BANK1: variants seen among roughly 807,000 people sequenced by gnomAD.
BANK1 encodes the protein B cell scaffold protein with ankyrin repeats 1, also known as B-cell scaffold protein with ankyrin repeats.
In BANK1, 95 loss-of-function variants were observed where a neutral mutation model predicts 94.5. That is an observed-to-expected ratio of 1.00 (90% CI 0.85 to 1.19). The LOEUF is 1.19. Among genes scored for constraint, BANK1 ranks in the 50% most tolerant of loss-of-function variants. The probability of loss-of-function intolerance (pLI) is 0.00; values close to 1 mark genes in which losing one functional copy is unlikely to be tolerated. For synonymous variants in BANK1, 334 were observed against 308.4 expected (o/e 1.08, Z -0.87); for missense variants, 987 against 932.2 (o/e 1.06, Z -0.77).
chr4:102,037,109 T>G (rs1420193465), intron 10 of BANK1, among the ~76,000 whole-genome samples: 1 of 152,242 alleles, frequency 6.6e-6, no homozygotes, highest in African/African-American at 2.4e-5. Context: ...TTAATTGACC[T>G]ATAAAAGTAG....
At chr4:101,971,448 C>G (rs1724949217) in intron 7 of BANK1, among the ~76,000 whole-genome samples, 1 of 151,984 alleles carries the variant, frequency 6.6e-6, no homozygotes, top group South Asian at 2.1e-4. Context: ...TAAAACTATC[C>G]TAGGTCATCT....
intron 1 of BANK1, among the ~76,000 whole-genome samples, chr4:101,801,423 G>C (rs552456492): frequency 1.3e-5 from 2 of 152,230 alleles, no homozygotes; most frequent in East Asian, 3.9e-4. Context: ...AGATAGCAAT[G>C]CACTCAGCTT....
chr4:101,791,041 C>G, intron 1 of BANK1, 91 bp downstream of exon 1: 16 of 1,076,618 alleles, frequency 1.5e-5, no homozygotes, highest in Non-Finnish European at 1.9e-5. Context: ...CAACTGCACT[C>G]GGGCACTGAG....
intron 5 of BANK1, among the ~76,000 whole-genome samples, chr4:101,878,216 G>T (rs1728560228): frequency 6.6e-6 from 1 of 151,894 alleles, no homozygotes; most frequent in South Asian, 2.1e-4. Context: ...TACAAGAAAT[G>T]CACTCTATAA....
intron 7 of BANK1, among the ~76,000 whole-genome samples, chr4:101,950,060 T>TGTGTGTGTGTGTGCGC (rs369393040): frequency 1.2e-4 from 17 of 139,484 alleles, no homozygotes; most frequent in Middle Eastern, 7.2e-3. Context: ...TGTGTGTGTG[T>TGTGTGTGTGTGTGCGC]GCGCGTGCGC....
intron 7 of BANK1, among the ~76,000 whole-genome samples, chr4:101,950,294 T>A (rs1724105153): frequency 6.6e-6 from 1 of 151,168 alleles, no homozygotes. Flanking sequence ...ACTATTAAAT[T>A]TAAGAAAGAT....
At chr4:101,925,825 G>A (rs1039604367) in intron 7 of BANK1, among the ~76,000 whole-genome samples, 4 of 151,462 alleles carry the variant, frequency 2.6e-5, no homozygotes, top group African/African-American at 9.7e-5. Context: ...TGTAGAACAG[G>A]GTAACCTAGA....
chr4:102,045,256 A>G (rs544529687), intron 11 of BANK1, among the ~76,000 whole-genome samples: 3 of 152,218 alleles, frequency 2.0e-5, no homozygotes, highest in African/African-American at 7.2e-5. Context: ...ATGCTAAAAA[A>G]TCTCAGTAAA....
At chr4:101,998,117 T>G (rs1374896261) in intron 7 of BANK1, among the ~76,000 whole-genome samples, 1 of 152,238 alleles carries the variant, frequency 6.6e-6, no homozygotes, top group Non-Finnish European at 1.5e-5. Flanking sequence ...GTACATTGTT[T>G]CTTTGTTCCC....
rs564969042 is a variant in BANK1, at chr4:102,009,680, C to T, written c.1207-11834C>T. On this transcript the variant is annotated intron_variant, in intron 7 of 16. Transcript: ENST00000322953. ...TATTTAACCCCATTGTGCCTTTTTT[C>T]GGTTCATTAAATGAGGATTAAAAAT... Among the ~76,000 whole-genome samples, 179 of 152,070 alleles carry T rather than the reference C, an allele frequency of 1.2e-3. 1 individual carries two copies. The highest frequency in any genetic ancestry group is 0.01 in the Middle Eastern group (3 of 294).
intron 8 of BANK1, among the ~76,000 whole-genome samples, chr4:102,023,692 T>C (rs1018222672): frequency 3.9e-5 from 6 of 152,234 alleles, no homozygotes; most frequent in Non-Finnish European, 1.5e-5. Flanking sequence ...AGTTTGGGCA[T>C]ATTTGATGAC....
intron 7 of BANK1, among the ~76,000 whole-genome samples, chr4:101,984,139 A>G (rs1725410367): frequency 6.6e-6 from 1 of 152,080 alleles, no homozygotes. Context: ...TCACAATTTT[A>G]CTAAAATACT....
chr4:102,011,081 C>G (rs1479055521), intron 7 of BANK1, among the ~76,000 whole-genome samples: 1 of 152,176 alleles, frequency 6.6e-6, no homozygotes, highest in African/African-American at 2.4e-5. Context: ...TTTAAACTTA[C>G]ACATATCTTA....
At chr4:101,823,824 C>G (rs1470339411) in intron 1 of BANK1, among the ~76,000 whole-genome samples, 1 of 152,100 alleles carries the variant, frequency 6.6e-6, no homozygotes, top group Non-Finnish European at 1.5e-5. Context: ...AGCTGAAAAG[C>G]ATAATCTTAA....
chr4:101,798,109 A>C (rs1725221313), intron 1 of BANK1, among the ~76,000 whole-genome samples: 1 of 152,202 alleles, frequency 6.6e-6, no homozygotes, highest in South Asian at 2.1e-4. Flanking sequence ...GGTCAGGCAA[A>C]TTGAAGCCTG....
At chr4:101,847,244 T>C (rs1350822572) in intron 2 of BANK1, among the ~76,000 whole-genome samples, 1 of 150,904 alleles carries the variant, frequency 6.6e-6, no homozygotes, top group East Asian at 1.9e-4. Context: ...TGTATGTATA[T>C]AGTGAGTTAA....
At position 101,986,897 on chromosome 4, in the gene BANK1, GTGTATATA is replaced by G. The variant is rs1253346643; in HGVS notation, c.1207-34615_1207-34608del. ...TATGTGTGTGTGTGTGTGTGTGTGT[GTGTATATA>G]TATATATATATATATATATATATAT... On this transcript the variant is annotated intron_variant, in intron 7 of 16. Coordinates refer to ENST00000322953, the MANE Select transcript of BANK1 (RefSeq NM_017935.5). 2.8e-3 allele frequency among the ~76,000 whole-genome samples: 161 copies of G among 58,032 alleles called. 8 individuals are homozygous for G. The highest frequency in any genetic ancestry group is 3.6e-3 in the Non-Finnish European group (115 of 31,980). The allele number at this position is 58,032 out of a possible 152,430, so 38.1% of individuals were successfully genotyped here. A position where few individuals can be genotyped will look rare whatever the true frequency, so the allele number is the denominator to read the frequency against.
At chr4:101,895,937 A>G (rs1050582054) in intron 6 of BANK1, among the ~76,000 whole-genome samples, 1 of 151,866 alleles carries the variant, frequency 6.6e-6, no homozygotes. Context: ...ATTTAACAGC[A>G]TATAAGTTTA....
intron 5 of BANK1, among the ~76,000 whole-genome samples, chr4:101,875,663 G>A (rs1728464429): frequency 6.6e-6 from 1 of 152,120 alleles, no homozygotes; most frequent in African/African-American, 2.4e-5. Context: ...ATTTGGGTGG[G>A]GACACAGAGC....
Sources: gnomAD v4.1 joint callset for allele counts (sites outside exome capture counted in the v4.1 genomes callset) on GRCh38, gnomAD v4.1.1 for gene constraint, MANE v1.5 for transcripts, NCBI Gene and HGNC (gene_info 2026-07-23, HGNC 2026-07-21) for gene names.